CLIC4: variants seen among roughly 807,000 people sequenced by gnomAD.
The protein encoded by CLIC4 is CLIC family member 4, also known as chloride intracellular channel protein 4.
CLIC4 carries 13 observed loss-of-function variants against 24.6 expected under a neutral mutation model. The ratio of observed to expected loss-of-function variants is 0.53; its 90% CI spans 0.34 to 0.84. CLIC4 has a LOEUF of 0.84. Ranked by LOEUF, CLIC4 falls within the 40% of genes least tolerant of loss-of-function variation. The pLI is 0.01. For synonymous variants in CLIC4, 104 were observed against 111.3 expected, an observed-to-expected ratio of 0.93 and a Z score of 0.41; for missense variants, 227 against 301.7, an observed-to-expected ratio of 0.75 and a Z score of 1.83.
intron 4 of CLIC4, among the ~76,000 whole-genome samples, chr1:24,836,496 CGAG>C (rs1384991318): frequency 4.6e-5 from 7 of 151,976 alleles, no homozygotes; most frequent in South Asian, 2.1e-4. Flanking sequence ...AAATTGAAAA[CGAG>C]GAATGTTTCT....
intron 1 of CLIC4, among the ~76,000 whole-genome samples, chr1:24,755,257 C>G (rs989234131): frequency 2.7e-5 from 4 of 150,554 alleles, no homozygotes; most frequent in African/African-American, 9.8e-5. Flanking sequence ...TGAGCTACCA[C>G]TCCTGGCCCC....
intron 2 of CLIC4, 70 bp downstream of exon 2, chr1:24,797,921 T>G (rs1639423044): frequency 9.9e-7 from 1 of 1,009,836 alleles, no homozygotes; most frequent in African/African-American, 1.6e-5. Context: ...TATTTTCACC[T>G]TGATGGCACA....
At chr1:24,838,504 A>G (rs1262854849) in intron 4 of CLIC4, among the ~76,000 whole-genome samples, 2 of 152,190 alleles carry the variant, frequency 1.3e-5, no homozygotes, top group Admixed American at 1.3e-4. Flanking sequence ...TGGGGTTAGG[A>G]CATATGTACA....
chr1:24,747,966 A>AGT (rs1638724514), intron 1 of CLIC4, among the ~76,000 whole-genome samples: 1 of 150,438 alleles, frequency 6.6e-6, no homozygotes, highest in African/African-American at 2.4e-5. Context: ...CAAAGGTTGG[A>AGT]GTGAGCCAAG....
Position 24,763,511 on chromosome 1 carries a change from T to A in CLIC4, c.72+17886T>A, listed in dbSNP as rs937862486. ...ATCGAAATCATGCCACTGCACTCCA[T>A]GACAGAGTGAGACTCCGTCTCCAAA... On this transcript the variant is annotated intron_variant, in intron 1 of 5. Transcript: ENST00000374379. Among the ~76,000 whole-genome samples the A allele has an allele frequency of 4.9e-5, 6 of 123,168 alleles. No individual in the cohort carries two copies. The Admixed American group carries it at 7.0e-4, about 14-fold the overall frequency. 80.8% of individuals were successfully genotyped at this position (123,168 alleles called of 152,430 possible).
At chr1:24,770,367 C>T (rs955320708) in intron 1 of CLIC4, among the ~76,000 whole-genome samples, 9 of 149,472 alleles carry the variant, frequency 6.0e-5, no homozygotes, top group Non-Finnish European at 1.3e-4. Context: ...ACTGTTGGTT[C>T]AAGACTTTAT....
intron 2 of CLIC4, among the ~76,000 whole-genome samples, chr1:24,799,173 T>G (rs4256765): frequency 6.8e-6 from 1 of 146,756 alleles, no homozygotes; most frequent in East Asian, 2.1e-4. Context: ...CGTCTCCGCC[T>G]GGCCGCCATC....
intron 1 of CLIC4, among the ~76,000 whole-genome samples, chr1:24,779,134 C>T (rs1639175423): frequency 1.3e-5 from 2 of 151,956 alleles, no homozygotes; most frequent in Non-Finnish European, 2.9e-5. Context: ...AAAAGAAAAA[C>T]ATGCTTGTTA....
intron 2 of CLIC4, among the ~76,000 whole-genome samples, chr1:24,810,167 C>T (rs1639597441): frequency 6.6e-6 from 1 of 152,218 alleles, no homozygotes; most frequent in South Asian, 2.1e-4. Context: ...CCACAATGCT[C>T]TGATCTCCTG....
Position 24,771,929 on chromosome 1 carries a change from A to T in CLIC4, c.73-25813A>T, listed in dbSNP as rs1405482942. The T allele has an allele frequency of 1.4e-5, 7 of 483,812 alleles. No homozygotes were observed. The East Asian group carries it at 4.2e-4, about 29-fold the overall frequency. The allele number at this position is 483,812 out of a possible 1,614,324, so 30.0% of individuals were successfully genotyped here. ...GGAGGTGATGTTCAGTCCAGTTTGT[A>T]TTATTTTATATGCCAAGGTAGCCTT... On this transcript the variant is annotated intron_variant, in intron 1 of 5. Transcript: ENST00000374379.
At chr1:24,777,121 T>C (rs948732179) in intron 1 of CLIC4, among the ~76,000 whole-genome samples, 2 of 152,186 alleles carry the variant, frequency 1.3e-5, no homozygotes, top group South Asian at 4.1e-4. Context: ...CGTGCATGTG[T>C]GTGTGTATTT....
chr1:24,814,605 AAT>A (rs1464530473), intron 3 of CLIC4, among the ~76,000 whole-genome samples: 1 of 152,240 alleles, frequency 6.6e-6, no homozygotes. Flanking sequence ...ACAGGACTGC[AAT>A]GAGATTTGAT....
At chr1:24,784,945 A>G (rs1639248310) in intron 1 of CLIC4, among the ~76,000 whole-genome samples, 1 of 150,136 alleles carries the variant, frequency 6.7e-6, no homozygotes, top group Non-Finnish European at 1.5e-5. Flanking sequence ...CGGAGCTTGC[A>G]GTGAGCCAAG....
At chr1:24,752,650 C>T (rs974440148) in intron 1 of CLIC4, among the ~76,000 whole-genome samples, 2 of 152,226 alleles carry the variant, frequency 1.3e-5, no homozygotes, top group African/African-American at 4.8e-5. Flanking sequence ...TAACCGTATA[C>T]CATCCTATGT....
At chr1:24,776,238 A>G (rs1028206773) in intron 1 of CLIC4, among the ~76,000 whole-genome samples, 5 of 151,970 alleles carry the variant, frequency 3.3e-5, no homozygotes, top group African/African-American at 1.2e-4. Context: ...GTTGCTCTAG[A>G]CTGTTTTTTG....
At chr1:24,789,588 T>A (rs1639310252) in intron 1 of CLIC4, among the ~76,000 whole-genome samples, 1 of 152,202 alleles carries the variant, frequency 6.6e-6, no homozygotes, top group Non-Finnish European at 1.5e-5. Context: ...AGTTTTTCTC[T>A]GTTGTTTAGA....
intron 3 of CLIC4, among the ~76,000 whole-genome samples, chr1:24,823,783 A>AAAG (rs1557813355): frequency 6.6e-6 from 1 of 151,646 alleles, no homozygotes; most frequent in Non-Finnish European, 1.5e-5. Flanking sequence ...TCAAAAAAAA[A>AAAG]AAAAAAAAAG....
chr1:24,801,087 A>G (rs1224686337), intron 2 of CLIC4, among the ~76,000 whole-genome samples: 4 of 134,292 alleles, frequency 3.0e-5, no homozygotes, highest in Non-Finnish European at 6.7e-5. Context: ...AAAAAAAAAA[A>G]GAATAGTTGT....
intron 4 of CLIC4, among the ~76,000 whole-genome samples, chr1:24,829,618 T>C (rs973759331): frequency 6.6e-6 from 1 of 152,170 alleles, no homozygotes; most frequent in Non-Finnish European, 1.5e-5. Flanking sequence ...ATATTTATAA[T>C]ACTCAGTCAT....
Sources: gnomAD v4.1 joint callset for allele counts (sites outside exome capture counted in the v4.1 genomes callset) on GRCh38, gnomAD v4.1.1 for gene constraint, MANE v1.5 for transcripts, NCBI Gene and HGNC (gene_info 2026-07-23, HGNC 2026-07-21) for gene names.